Variants in ABCC5 observed in about 807,000 individuals in gnomAD.
ABCC5 encodes ATP-binding cassette sub-family C member 5.
In ABCC5, 61 loss-of-function variants were observed where a neutral mutation model predicts 160.9. That is an observed-to-expected ratio of 0.38 (90% CI 0.31 to 0.47). The LOEUF is 0.47. Ranked by LOEUF, ABCC5 falls within the 20% of genes least tolerant of loss-of-function variation. The pLI is 0.99. For missense variants in ABCC5, 1,308 were observed against 1,813.3 expected (o/e 0.72, Z 5.06); for synonymous variants, 666 against 700.6 (o/e 0.95, Z 0.78).
Position 183,982,418 on chromosome 3 carries a change from A to C in ABCC5, c.999+33T>G. The C allele has an allele frequency of 1.2e-6, 2 of 1,604,602 alleles. No individual in the cohort carries two copies. Among genetic ancestry groups the C allele is most frequent in the Non-Finnish European group, 1.7e-6 (2 of 1,175,000 alleles). The stretch of plus-strand genomic sequence containing the variant: ...GGAAGTAACTCATCTCCTAAGGAGA[A>C]GCTGCCAGGATTCAGCTGGGAGGCT... On this transcript the variant is annotated intron_variant, in intron 7 of 29. Transcript: ENST00000334444. This position sits in a 1 kb window ranked among gnomAD's most constrained non-coding sequence, Gnocchi z 5.2.
chr3:183,926,895 A>C (rs1228766449), intron 28 of ABCC5, among the ~76,000 whole-genome samples: 3 of 151,754 alleles, frequency 2.0e-5, no homozygotes, highest in Non-Finnish European at 4.4e-5. Flanking sequence ...AAATGCAAAA[A>C]TTAGCTGGGC....
chr3:183,965,327 A>G (rs1440386432), intron 13 of ABCC5, 50 bp downstream of exon 13: 2 of 1,614,008 alleles, frequency 1.2e-6, no homozygotes, highest in Admixed American at 1.7e-5. Context: ...GCTGCCTTGC[A>G]TCTCACGCGG....
intron 14 of ABCC5, among the ~76,000 whole-genome samples, chr3:183,964,248 A>G (rs146647266): frequency 2.5e-4 from 38 of 152,334 alleles, no homozygotes; most frequent in African/African-American, 9.1e-4. Flanking sequence ...TGGGTATCTC[A>G]TCCTCTTAAC....
chr3:183,954,731 C>G (rs1344120360), intron 17 of ABCC5, among the ~76,000 whole-genome samples: 1 of 152,154 alleles, frequency 6.6e-6, no homozygotes, highest in Non-Finnish European at 1.5e-5. Flanking sequence ...TGAGACGGGT[C>G]TCAATCAATT....
At chr3:183,942,303 G>A (rs1714442860) in intron 25 of ABCC5, 1 of 441,884 alleles carries the variant, frequency 2.3e-6, no homozygotes. Context: ...CAAAGTGCTG[G>A]GATTACAGGC....
Position 183,984,324 on chromosome 3 carries a change from C to A in ABCC5, c.592-1317G>T, listed in dbSNP as rs1056825427. On this transcript the variant is annotated intron_variant, in intron 5 of 29. Transcript: ENST00000334444. ...AAACCACAACAAAAGAAAGCCAAAC[C>A]AATCCCCCACCCTAAAGGAAGAAAA... is the stretch of plus-strand genomic sequence containing the variant. 3.0e-6 allele frequency: 3 copies of A among 985,786 alleles called. No individual in the cohort carries two copies. In the South Asian group the frequency reaches 1.4e-4, roughly 46 times the overall value. The allele number at this position is 985,786 out of a possible 1,614,324, so 61.1% of individuals were successfully genotyped here.
chr3:183,983,063 C>A (rs1718889476), intron 5 of ABCC5, 56 bp from the exon 6 acceptor site: 2 of 1,464,616 alleles, frequency 1.4e-6, no homozygotes, highest in Non-Finnish European at 1.9e-6. Context: ...ACACACAATG[C>A]CATAGTTTTA....
rs1461686537 is a variant in ABCC5 at position 183,978,492 on chromosome 3, G to C, written c.1296+11C>G. ...TTCTAAAATGTTCCCCATCCCTGAG[G>C]GTTCCCTGACCTGTGCTGCTGTCAG... On this transcript the variant is annotated intron_variant, in intron 9 of 29. Coordinates refer to ENST00000334444, the MANE Select transcript of ABCC5 (RefSeq NM_005688.4). 8 of 1,604,756 alleles carry C rather than the reference G, an allele frequency of 5.0e-6. No homozygotes were observed. The highest frequency in any genetic ancestry group is 6.8e-6 in the Non-Finnish European group (8 of 1,177,026).
intron 2 of ABCC5, among the ~76,000 whole-genome samples, chr3:183,991,899 T>C (rs1053260048): frequency 1.3e-5 from 2 of 152,148 alleles, no homozygotes; most frequent in Non-Finnish European, 1.5e-5. Flanking sequence ...ACACTAAAAA[T>C]ACAAGCACAC....
intron 17 of ABCC5, among the ~76,000 whole-genome samples, chr3:183,954,492 G>A (rs2139564): frequency 0.19 from 29,506 of 152,134 alleles, 3,002 homozygotes; most frequent in East Asian, 0.42. Flanking sequence ...CCGTGTGGAA[G>A]ACAGGTTCAA....
rs1157919751 is a variant in ABCC5, at chr3:183,919,973, T to C, written c.*1327A>G. 2 of 152,652 alleles carry C rather than the reference T, an allele frequency of 1.3e-5. No individual in the cohort carries two copies. Among genetic ancestry groups the C allele is most frequent in the Non-Finnish European group, 2.9e-5 (2 of 68,054 alleles). The allele number at this position is 152,652 out of a possible 1,614,324, so 9.5% of individuals were successfully genotyped here. On this transcript the variant is annotated 3_prime_UTR_variant, in exon 30 of 30. Coordinates refer to ENST00000334444, the MANE Select transcript of ABCC5 (RefSeq NM_005688.4). ...AAATAATTTTATTCACATTTTCAGA[T>C]TTTTGCTTCCACAAGGTGTTCAGCA...
chr3:183,995,483 A>T (rs561225955), intron 2 of ABCC5, among the ~76,000 whole-genome samples: 15 of 152,300 alleles, frequency 9.8e-5, no homozygotes, highest in Admixed American at 7.2e-4. Context: ...AGGTTTCGGC[A>T]AAGGTTCACT....
intron 26 of ABCC5, among the ~76,000 whole-genome samples, chr3:183,933,421 T>C (rs968037909): frequency 1.3e-5 from 2 of 151,802 alleles, no homozygotes; most frequent in African/African-American, 2.4e-5. Flanking sequence ...CTGCGGGGGA[T>C]AGGACAGAGG....
chr3:183,940,284 G>T (rs1338275103), intron 25 of ABCC5, among the ~76,000 whole-genome samples: 1 of 151,008 alleles, frequency 6.6e-6, no homozygotes, highest in Non-Finnish European at 1.5e-5. Context: ...GATTACTTGA[G>T]GCCAGGAGTT....
intron 17 of ABCC5, 67 bp downstream of exon 17, chr3:183,959,666 C>A (rs1161187072): frequency 8.5e-7 from 1 of 1,180,538 alleles, no homozygotes; most frequent in East Asian, 2.3e-5. Flanking sequence ...TCATGAATTA[C>A]TTACTACACA....
Position 184,001,189 on chromosome 3 carries a change from G to C in ABCC5, c.130-11806C>G, listed in dbSNP as rs74711855. On this transcript the variant is annotated intron_variant, in intron 2 of 29. Coordinates refer to ENST00000334444, the MANE Select transcript of ABCC5 (RefSeq NM_005688.4). ...GATCACAGGAGCCCAGGTGTTTGAC[G>C]CTGCAGTGAGCCATGGTCATGCCAC... The C allele has an allele frequency of 5.8e-3, 2,848 of 490,922 alleles. 117 individuals carry two copies. In the East Asian group the frequency reaches 0.082, roughly 14 times the overall value. 30.4% of individuals were successfully genotyped at this position (490,922 alleles called of 1,614,324 possible). A position where few individuals can be genotyped will look rare whatever the true frequency, so the allele number is the denominator to read the frequency against.
intron 23 of ABCC5, 49 bp from the exon 24 acceptor site, chr3:183,945,988 G>A (rs935943928): frequency 1.9e-5 from 29 of 1,537,310 alleles, no homozygotes; most frequent in Non-Finnish European, 2.4e-5. Flanking sequence ...ATCAATACAC[G>A]CCAGGCCAAT....
intron 26 of ABCC5, among the ~76,000 whole-genome samples, chr3:183,929,766 G>A (rs1334951791): frequency 6.6e-6 from 1 of 151,802 alleles, no homozygotes; most frequent in Non-Finnish European, 1.5e-5. Flanking sequence ...TTTTACAGGC[G>A]CATGCCACGT....
chr3:183,935,047 T>C (rs1174502814), intron 26 of ABCC5, among the ~76,000 whole-genome samples: 1 of 151,610 alleles, frequency 6.6e-6, no homozygotes, highest in African/African-American at 2.4e-5. Flanking sequence ...TTCAAGGTGT[T>C]CCTGTGGCAT....
Sources: allele counts gnomAD v4.1 joint callset (sites outside exome capture counted in the v4.1 genomes callset), GRCh38; gene constraint gnomAD v4.1.1; non-coding constraint Gnocchi (gnomAD v3.1); transcripts MANE v1.5; gene names NCBI Gene and HGNC (gene_info 2026-07-23, HGNC 2026-07-21).